PTPRT: variants seen among roughly 807,000 people sequenced by gnomAD.
PTPRT encodes protein tyrosine phosphatase receptor type T.
PTPRT carries 56 observed loss-of-function variants against 176.8 expected under a neutral mutation model. The observed-to-expected ratio is 0.32, with a 90% CI of 0.26 to 0.40. The LOEUF is 0.40. PTPRT is among the 10% of genes least tolerant of loss of function. The pLI, the probability that PTPRT is intolerant of heterozygous loss-of-function variation, is 1.00. For synonymous variants in PTPRT, 783 were observed against 739.0 expected (o/e 1.06, Z -0.96); for missense variants, 1,540 against 1,908.2 (o/e 0.81, Z 3.60).
At chr20:42,828,690 G>A (rs2078037714) in intron 2 of PTPRT, among the ~76,000 whole-genome samples, 1 of 152,170 alleles carries the variant, frequency 6.6e-6, no homozygotes, top group African/African-American at 2.4e-5. Context: ...CTCAGGCTAT[G>A]GCTTAAGAGG....
intron 4 of PTPRT, among the ~76,000 whole-genome samples, chr20:42,777,384 C>A (rs992299523): frequency 3.3e-5 from 5 of 152,168 alleles, no homozygotes; most frequent in African/African-American, 9.7e-5. Flanking sequence ...AGCACCCCTC[C>A]ACCAAATCAC....
intron 3 of PTPRT, among the ~76,000 whole-genome samples, chr20:42,790,961 G>A (rs2077365932): frequency 6.6e-6 from 1 of 152,206 alleles, no homozygotes; most frequent in Non-Finnish European, 1.5e-5. Context: ...GGAGCCACAT[G>A]CATCCTGGTA....
intron 1 of PTPRT, among the ~76,000 whole-genome samples, chr20:43,083,347 T>TATATATAC (rs1555828980): frequency 2.0e-3 from 194 of 97,626 alleles, no homozygotes; most frequent in South Asian, 5.9e-3. Flanking sequence ...TATATATATA[T>TATATATAC]ATATATATAT....
intron 17 of PTPRT, among the ~76,000 whole-genome samples, chr20:42,153,898 T>C (rs1989239134): frequency 6.6e-6 from 1 of 152,242 alleles, no homozygotes; most frequent in Non-Finnish European, 1.5e-5. Flanking sequence ...TCCATGATCA[T>C]AACCATAGTC....
At chr20:42,522,718 C>T (rs1299779068) in intron 7 of PTPRT, among the ~76,000 whole-genome samples, 3 of 152,140 alleles carry the variant, frequency 2.0e-5, no homozygotes. Context: ...ACCTTGGCCT[C>T]CCGAAGTGCT....
intron 17 of PTPRT, among the ~76,000 whole-genome samples, chr20:42,156,780 C>A (rs1989373545): frequency 6.6e-6 from 1 of 152,150 alleles, no homozygotes; most frequent in South Asian, 2.1e-4. Flanking sequence ...ATTCAGAATC[C>A]AACCACATCT....
chr20:42,576,114 G>C (rs1291588277), intron 7 of PTPRT, among the ~76,000 whole-genome samples: 2 of 152,062 alleles, frequency 1.3e-5, no homozygotes, highest in Non-Finnish European at 2.9e-5. Context: ...ATCCAGCTGG[G>C]GTAAGTGCCT....
At chr20:43,156,076 T>C (rs2014512714) in intron 1 of PTPRT, among the ~76,000 whole-genome samples, 1 of 152,224 alleles carries the variant, frequency 6.6e-6, no homozygotes, top group African/African-American at 2.4e-5. Flanking sequence ...TGAACTTCCC[T>C]GAAATTGAGA....
At chr20:43,049,021 C>G (rs1264816943) in intron 1 of PTPRT, among the ~76,000 whole-genome samples, 7 of 152,294 alleles carry the variant, frequency 4.6e-5, no homozygotes, top group African/African-American at 1.4e-4. Context: ...GATAACCTGA[C>G]AGCTAAACAA....
At chr20:42,236,627 G>A (rs1361752132) in intron 14 of PTPRT, among the ~76,000 whole-genome samples, 1 of 149,720 alleles carries the variant, frequency 6.7e-6, no homozygotes, top group Non-Finnish European at 1.5e-5. Context: ...CGGGGTGCAG[G>A]TGAGGGTATT....
chr20:43,083,351 T>TATATATATACATAC (rs1419855835), intron 1 of PTPRT, among the ~76,000 whole-genome samples: 1 of 114,318 alleles, frequency 8.7e-6, no homozygotes, highest in African/African-American at 3.4e-5. Flanking sequence ...TATATATATA[T>TATATATATACATAC]ATATATATAT....
chr20:42,443,413 G>A (rs768541945), intron 9 of PTPRT, among the ~76,000 whole-genome samples: 4 of 152,234 alleles, frequency 2.6e-5, no homozygotes, highest in Non-Finnish European at 4.4e-5. Context: ...ACACAAGGCC[G>A]TTGGTGCTGC....
At chr20:42,689,688 ATATCCTGGATATGTAG>A (rs1435195578) in intron 6 of PTPRT, among the ~76,000 whole-genome samples, 2 of 152,324 alleles carry the variant, frequency 1.3e-5, no homozygotes, top group African/African-American at 4.8e-5. Context: ...AGTAGGGAGC[ATATCCTGGATATGTAG>A]TATCCTGGAT....
At chr20:42,460,861 A>G (rs2071006694) in intron 8 of PTPRT, among the ~76,000 whole-genome samples, 1 of 152,140 alleles carries the variant, frequency 6.6e-6, no homozygotes, top group South Asian at 2.1e-4. Context: ...CACAGTTTTA[A>G]CCAGTTCTTT....
intron 1 of PTPRT, among the ~76,000 whole-genome samples, chr20:43,009,546 A>G (rs1216705940): frequency 1.3e-5 from 2 of 152,210 alleles, no homozygotes; most frequent in East Asian, 3.9e-4. Flanking sequence ...CATTCTTCAA[A>G]GAGAAGAAGG....
At chr20:42,755,374 A>T (rs1156288888) in intron 6 of PTPRT, among the ~76,000 whole-genome samples, 1 of 152,182 alleles carries the variant, frequency 6.6e-6, no homozygotes, top group Non-Finnish European at 1.5e-5. Context: ...CAAAGGCTCG[A>T]TCAGTGGGGT....
chr20:42,907,507 A>G (rs955121848), intron 1 of PTPRT, among the ~76,000 whole-genome samples: 10 of 152,186 alleles, frequency 6.6e-5, no homozygotes, highest in Non-Finnish European at 7.3e-5. Flanking sequence ...AGGACGCGAC[A>G]CAATTTGGGC....
intron 1 of PTPRT, among the ~76,000 whole-genome samples, chr20:43,125,136 C>T (rs908070376): frequency 2.7e-5 from 4 of 150,590 alleles, no homozygotes; most frequent in East Asian, 2.0e-4. Flanking sequence ...GCTGGGATTA[C>T]AGGCATGTGC....
At chr20:43,076,429 C>CAAA (rs11483503) in intron 1 of PTPRT, among the ~76,000 whole-genome samples, 1 of 148,402 alleles carries the variant, frequency 6.7e-6, no homozygotes, top group Non-Finnish European at 1.5e-5. Context: ...CAAATGAAAC[C>CAAA]AAAAAAAAAA....
Sources: allele counts gnomAD v4.1 joint callset (sites outside exome capture counted in the v4.1 genomes callset), GRCh38; gene constraint gnomAD v4.1.1; transcripts MANE v1.5; gene names NCBI Gene and HGNC (gene_info 2026-07-23, HGNC 2026-07-21).